JPH3: variants seen among roughly 807,000 people sequenced by gnomAD.
JPH3 encodes the protein junctophilin-3.
Under a neutral mutation model 59.6 loss-of-function variants are expected in JPH3, and 11 were observed. The ratio of observed to expected loss-of-function variants is 0.18; its 90% CI spans 0.12 to 0.31. The LOEUF (loss-of-function observed/expected upper bound fraction) is 0.31, where lower values mean the gene tolerates loss of function less well. Ranked by LOEUF, JPH3 falls within the 10% of genes least tolerant of loss-of-function variation. JPH3 has a pLI of 1.00. For synonymous variants in JPH3, 673 were observed against 483.6 expected (o/e 1.39, Z -5.14); for missense variants, 1,202 against 1,105.7 (o/e 1.09, Z -1.24).
chr16:87,626,597 C>G (rs1304279378), intron 1 of JPH3, among the ~76,000 whole-genome samples: 4 of 152,274 alleles, frequency 2.6e-5, no homozygotes, highest in Non-Finnish European at 2.9e-5. Flanking sequence ...CCAAGCCACA[C>G]CCCGAGTGGG....
At chr16:87,607,501 C>G (rs1369582489) in intron 1 of JPH3, among the ~76,000 whole-genome samples, 1 of 152,262 alleles carries the variant, frequency 6.6e-6, no homozygotes, top group African/African-American at 2.4e-5. Flanking sequence ...CACCCCGTCC[C>G]CCAGAACGCA....
intron 4 of JPH3, among the ~76,000 whole-genome samples, chr16:87,692,144 G>C (rs2033602718): frequency 6.6e-6 from 1 of 152,116 alleles, no homozygotes; most frequent in Admixed American, 6.5e-5. Flanking sequence ...GATGCCAGCT[G>C]AGCTCCTTGG....
intron 4 of JPH3, 96 bp downstream of exon 4, chr16:87,690,622 C>T (rs1412514624): frequency 1.6e-6 from 2 of 1,273,854 alleles, no homozygotes; most frequent in Middle Eastern, 2.0e-4. Flanking sequence ...GGTCACTGCT[C>T]CCCTGTTCCT....
chr16:87,614,088 A>T (rs746717952), intron 1 of JPH3, among the ~76,000 whole-genome samples: 1 of 152,224 alleles, frequency 6.6e-6, no homozygotes, highest in African/African-American at 2.4e-5. Flanking sequence ...AGGGGCAGAG[A>T]GGTTTCACTC....
intron 1 of JPH3, among the ~76,000 whole-genome samples, chr16:87,618,171 T>A (rs149251034): frequency 0.021 from 3,252 of 151,558 alleles, 54 homozygotes; most frequent in Non-Finnish European, 0.032. Flanking sequence ...CTCAAAAAAA[T>A]AAATAAATAA....
chr16:87,616,874 C>T (rs551002950), intron 1 of JPH3, among the ~76,000 whole-genome samples: 1 of 152,350 alleles, frequency 6.6e-6, no homozygotes, highest in South Asian at 2.1e-4. Flanking sequence ...CATTTTGGGG[C>T]TGGCTTTCGT....
chr16:87,695,654 G>A (rs1350820189), intron 4 of JPH3: 5 of 455,952 alleles, frequency 1.1e-5, no homozygotes, highest in Non-Finnish European at 2.2e-5. Flanking sequence ...TCCCTGTGCA[G>A]CAGGTACTGT....
chr16:87,612,112 T>C (rs1032331986), intron 1 of JPH3, among the ~76,000 whole-genome samples: 4 of 152,130 alleles, frequency 2.6e-5, no homozygotes, highest in African/African-American at 9.7e-5. Context: ...AGCCTGGGCA[T>C]TGGGATTCTT....
At chr16:87,671,676 G>A (rs1026484627) in intron 2 of JPH3, among the ~76,000 whole-genome samples, 4 of 151,724 alleles carry the variant, frequency 2.6e-5, no homozygotes, top group African/African-American at 9.7e-5. Context: ...CTGCACCCGG[G>A]CTCCCAGTGC....
At chr16:87,659,397 A>AAAAAAAAAC (rs2032627087) in intron 2 of JPH3, among the ~76,000 whole-genome samples, 1 of 129,042 alleles carries the variant, frequency 7.7e-6, no homozygotes, top group Admixed American at 8.3e-5. Context: ...GAAAAAAAAA[A>AAAAAAAAAC]AGAAAACTAC....
At chr16:87,631,366 G>C (rs1318284291) in intron 1 of JPH3, among the ~76,000 whole-genome samples, 1 of 152,188 alleles carries the variant, frequency 6.6e-6, no homozygotes, top group Non-Finnish European at 1.5e-5. Flanking sequence ...TGCATAGTAT[G>C]CTAGGTTGAA....
intron 1 of JPH3, among the ~76,000 whole-genome samples, chr16:87,632,586 AAC>A (rs1439584947): frequency 3.9e-5 from 6 of 152,104 alleles, no homozygotes; most frequent in Non-Finnish European, 5.9e-5. Flanking sequence ...TGCACCACTA[AAC>A]ACACTAATTT....
intron 2 of JPH3, among the ~76,000 whole-genome samples, chr16:87,681,982 G>C (rs1013722085): frequency 2.0e-5 from 3 of 152,142 alleles, no homozygotes; most frequent in Non-Finnish European, 2.9e-5. Flanking sequence ...TGGACCCTCT[G>C]CTTGTGGCGG....
intron 2 of JPH3, among the ~76,000 whole-genome samples, chr16:87,680,352 C>T (rs1223149112): frequency 6.6e-6 from 1 of 150,922 alleles, no homozygotes; most frequent in African/African-American, 2.4e-5. Context: ...TGTGGAGGGG[C>T]TGCGCCCGGA....
chr16:87,684,414 G>A (rs148564164), intron 3 of JPH3, 148 bp downstream of exon 3: 50 of 1,305,880 alleles, frequency 3.8e-5, no homozygotes, highest in African/African-American at 3.4e-4. Context: ...TTCCTCTCCC[G>A]CCGAAGGTGC....
At chr16:87,617,372 G>A (rs907954225) in intron 1 of JPH3, among the ~76,000 whole-genome samples, 3 of 151,112 alleles carry the variant, frequency 2.0e-5, no homozygotes, top group Non-Finnish European at 3.0e-5. Flanking sequence ...GGGATGTCGT[G>A]AATTTAAAAA....
At chr16:87,624,620 G>C (rs1382181385) in intron 1 of JPH3, among the ~76,000 whole-genome samples, 1 of 152,208 alleles carries the variant, frequency 6.6e-6, no homozygotes, top group Non-Finnish European at 1.5e-5. Context: ...GCCAGCCCTG[G>C]GTCACTTTTG....
At chr16:87,671,951 C>T (rs969738674) in intron 2 of JPH3, among the ~76,000 whole-genome samples, 1 of 152,240 alleles carries the variant, frequency 6.6e-6, no homozygotes, top group African/African-American at 2.4e-5. Context: ...GCACCTTCGT[C>T]TGTGGGGGGT....
chr16:87,677,213 CACACACACACACAA>C (rs1312211343), intron 2 of JPH3, among the ~76,000 whole-genome samples: 25 of 125,384 alleles, frequency 2.0e-4, no homozygotes, highest in South Asian at 1.4e-3. Context: ...CACACACACA[CACACACACACACAA>C]AAAAAAAAAT....
Sources: gnomAD v4.1 joint callset for allele counts (sites outside exome capture counted in the v4.1 genomes callset) on GRCh38, gnomAD v4.1.1 for gene constraint, MANE v1.5 for transcripts, NCBI Gene and HGNC (gene_info 2026-07-23, HGNC 2026-07-21) for gene names.